The following KIAA1217 variants were observed in gnomAD, a reference collection of about 807,000 sequenced individuals.
KIAA1217 encodes the protein KIAA1217, also known as sickle tail protein homolog.
KIAA1217 carries 88 observed loss-of-function variants against 163.9 expected under a neutral mutation model. The observed-to-expected ratio is 0.54, with a 90% confidence interval of 0.45 to 0.64. The LOEUF is 0.64. KIAA1217 is among the 30% of genes least tolerant of loss of function. KIAA1217 has a pLI of 0.00. For synonymous variants in KIAA1217, 903 were observed against 923.1 expected, an observed-to-expected ratio of 0.98 and a Z score of 0.39; for missense variants, 2,372 against 2,475.0, an observed-to-expected ratio of 0.96 and a Z score of 0.88.
chr10:23,766,500 T>G (rs186579500), intron 1 of KIAA1217, among the ~76,000 whole-genome samples: 1 of 152,340 alleles, frequency 6.6e-6, no homozygotes, highest in East Asian at 1.9e-4. Flanking sequence ...TTGGTATCAC[T>G]ATGTGCTCAA....
At chr10:23,855,639 T>A (rs1839616206) in intron 1 of KIAA1217, among the ~76,000 whole-genome samples, 1 of 152,254 alleles carries the variant, frequency 6.6e-6, no homozygotes, top group Non-Finnish European at 1.5e-5. Flanking sequence ...CCCGTCACTT[T>A]CAGGTACACC....
chr10:23,778,558 A>G (rs1835109182), intron 1 of KIAA1217, among the ~76,000 whole-genome samples: 2 of 152,208 alleles, frequency 1.3e-5, no homozygotes, highest in Admixed American at 6.5e-5. Flanking sequence ...AGGCAGGGTA[A>G]CTAGAAGTGG....
chr10:23,981,885 A>C (rs777318081), intron 1 of KIAA1217, among the ~76,000 whole-genome samples: 118 of 152,244 alleles, frequency 7.8e-4, no homozygotes, highest in African/African-American at 2.7e-3. Context: ...AAATTAGTAC[A>C]GCTGAGTTCA....
At chr10:24,138,423 C>T (rs1426562139) in intron 2 of KIAA1217, among the ~76,000 whole-genome samples, 3 of 152,176 alleles carry the variant, frequency 2.0e-5, no homozygotes, top group East Asian at 1.9e-4. Flanking sequence ...GCTGTGATTA[C>T]AGGCATGAGC....
chr10:24,361,082 T>A (rs2049926234), intron 2 of KIAA1217, among the ~76,000 whole-genome samples: 1 of 152,186 alleles, frequency 6.6e-6, no homozygotes, highest in East Asian at 1.9e-4. Context: ...AGAATACTTG[T>A]GTTAATATTT....
intron 2 of KIAA1217, among the ~76,000 whole-genome samples, chr10:24,273,011 G>A (rs899450426): frequency 1.3e-5 from 2 of 152,162 alleles, no homozygotes; most frequent in Non-Finnish European, 2.9e-5. Context: ...GCCCTTCTGC[G>A]CCTTGGACAG....
chr10:24,373,674 A>G (rs930781022), intron 2 of KIAA1217, among the ~76,000 whole-genome samples: 2 of 152,292 alleles, frequency 1.3e-5, no homozygotes, highest in East Asian at 1.9e-4. Context: ...TTCTTTAAAC[A>G]ATGAGGAAGA....
chr10:24,520,048 C>T (rs1038770009), intron 10 of KIAA1217, 75 bp from the exon 11 acceptor site: 14 of 1,486,760 alleles, frequency 9.4e-6, no homozygotes, highest in East Asian at 4.6e-5. Flanking sequence ...GAGGCTGAGA[C>T]GGGCACTCGG....
intron 3 of KIAA1217, among the ~76,000 whole-genome samples, chr10:24,407,202 A>C (rs1366463205): frequency 1.3e-5 from 2 of 152,046 alleles, no homozygotes; most frequent in Non-Finnish European, 2.9e-5. Flanking sequence ...GCAATGTTTA[A>C]TCGTTGGTGA....
In KIAA1217 at chr10:24,280,586, T is replaced by C. The variant is rs1163031640; in HGVS notation, c.354+60677T>C. Among the ~76,000 whole-genome samples the C allele has an allele frequency of 6.7e-4, 101 of 151,490 alleles. 2 individuals carry two copies. The highest frequency in any genetic ancestry group is 2.3e-3 in the African/African-American group (95 of 41,310). ...CAGCACTTTGGGAGGCGGAGGCGGG[T>C]GGATTGCGAGGTCAGGAGATCGAGA... On this transcript the variant is annotated intron_variant, in intron 2 of 20. Transcript: ENST00000376454.
chr10:23,825,665 C>T (rs918264907), intron 1 of KIAA1217, among the ~76,000 whole-genome samples: 1 of 152,128 alleles, frequency 6.6e-6, no homozygotes, highest in African/African-American at 2.4e-5. Context: ...CAGTTTAGTT[C>T]TGAATAATAT....
In KIAA1217 at chr10:24,536,820, C is replaced by G. The variant is rs1044450603; in HGVS notation, c.3461C>G (p.Ala1154Gly). The part of the protein sequence containing the change: ...SFMDVNSNSH[A>G]EPSRADSHVK... ...ATGGATGTAAATTCAAACAGTCATG[C>G]TGAGCCATCCCGGGCTGACAGTCAC... is the stretch of plus-strand genomic sequence containing the variant. The change falls in exon 17 of 21, where the codon GCT (alanine) becomes GGT (glycine). Residue 1154 changes from alanine (A) to glycine (G), a missense_variant. By Grantham distance (60) the Ala-to-Gly change is moderately conservative. Coordinates refer to ENST00000376454, the MANE Select transcript of KIAA1217 (RefSeq NM_019590.5). 1.2e-6 allele frequency: 2 copies of G among 1,613,798 alleles called. No homozygotes were observed. The highest frequency in any genetic ancestry group is 2.7e-5 in the African/African-American group (2 of 74,894).
chr10:23,695,700 G>A lies in KIAA1217; in HGVS notation c.-321+466G>A, dbSNP rs908879292. Among the ~76,000 whole-genome samples, 8 of 152,178 alleles carry A rather than the reference G, an allele frequency of 5.3e-5. No homozygotes were observed. The South Asian group carries it at 1.7e-3, about 31-fold the overall frequency. The stretch of plus-strand genomic sequence containing the variant: ...ACAGGGGCAAGGAGAGAGAGAACCG[G>A]CCCCGAGACGGGCTGGAGGGTGGGG... On this transcript the variant is annotated intron_variant, in intron 1 of 18. Coordinates refer to the KIAA1217 transcript ENST00000376462. The surrounding 1 kb of genome is among the most constrained non-coding windows in gnomAD (Gnocchi z 4.9).
At chr10:24,394,011 T>G (rs6482393) in intron 3 of KIAA1217, among the ~76,000 whole-genome samples, 51,282 of 152,160 alleles carry the variant, frequency 0.34, 9,888 homozygotes, top group African/African-American at 0.54. Flanking sequence ...AAAATTGTGT[T>G]TGTCAAGCTT....
chr10:24,542,965 C>T lies in KIAA1217; in HGVS notation c.3695C>T (p.Thr1232Ile). The change falls in exon 19 of 21, where the codon ACA becomes ATA. Residue 1232 changes from threonine (T) to isoleucine (I), a missense_variant. Around this residue, in one of 3 missense-constraint regions of KIAA1217, gnomAD observed 251 missense variants for 327.3 expected, o/e 0.77. Coordinates refer to ENST00000376454, the MANE Select transcript of KIAA1217 (RefSeq NM_019590.5). ...MENSISDASR[T>I]SEYKTEIIMK... ...AATAGTATTTCTGATGCATCAAGAA[C>T]ATCAGAATATAAAACTGAGATCATA... The T allele has an allele frequency of 6.2e-7, 1 of 1,613,302 alleles. No individual in the cohort carries two copies.
chr10:24,513,118 T>C, intron 9 of KIAA1217, 141 bp from the exon 10 acceptor site: 1 of 781,424 alleles, frequency 1.3e-6, no homozygotes, highest in Non-Finnish European at 2.1e-6. Flanking sequence ...CAGTCTTTGC[T>C]CCCTTTCCTT....
chr10:23,817,964 T>TAC (rs1229060861), intron 1 of KIAA1217, among the ~76,000 whole-genome samples: 3 of 2,414 alleles, frequency 1.2e-3, no homozygotes, highest in Non-Finnish European at 3.4e-3. Flanking sequence ...TGGTGGCACA[T>TAC]ATATATATAT....
chr10:24,447,506 G>A lies in KIAA1217; in HGVS notation c.846+9027G>A, dbSNP rs932798841. Among the ~76,000 whole-genome samples the A allele has an allele frequency of 1.4e-4, 22 of 152,180 alleles. No individual in the cohort carries two copies. In the South Asian group the frequency reaches 3.1e-3, roughly 22 times the overall value. ...GTGGTGTTTGGTTTTCTGTCCACAC[G>A]TCTTAAGTGTCTTTCAGCTCTAAGC... is the stretch of plus-strand genomic sequence containing the variant. On this transcript the variant is annotated intron_variant, in intron 5 of 20. Transcript: ENST00000376454.
At chr10:24,030,104 A>C (rs1039263679) in intron 2 of KIAA1217, among the ~76,000 whole-genome samples, 1 of 152,232 alleles carries the variant, frequency 6.6e-6, no homozygotes, top group African/African-American at 2.4e-5. Flanking sequence ...CATCAATTAC[A>C]TGAAAATATG....
Sources: allele counts gnomAD v4.1 joint callset (sites outside exome capture counted in the v4.1 genomes callset), GRCh38; gene constraint gnomAD v4.1.1; regional missense constraint gnomAD v4.1.1; non-coding constraint Gnocchi (gnomAD v3.1); transcripts MANE v1.5; gene names NCBI Gene and HGNC (gene_info 2026-07-23, HGNC 2026-07-21).